Variants in RHOT1 observed in about 807,000 individuals in gnomAD.
The protein encoded by RHOT1 is ras homolog family member T1, also known as mitochondrial Rho GTPase 1.
RHOT1 carries 27 observed loss-of-function variants against 95.3 expected under a neutral mutation model. The observed-to-expected ratio is 0.28, with a 90% confidence interval of 0.21 to 0.39. The LOEUF (loss-of-function observed/expected upper bound fraction) is 0.39, where lower values mean the gene tolerates loss of function less well. RHOT1 is among the 10% of genes least tolerant of loss of function. The pLI, the probability that RHOT1 is intolerant of heterozygous loss-of-function variation, is 1.00. For synonymous variants in RHOT1, 227 were observed against 263.5 expected (o/e 0.86, Z 1.34); for missense variants, 578 against 786.7 (o/e 0.73, Z 3.17).
At chr17:32,199,320 CA>C in intron 12 of RHOT1, 84 bp from the exon 13 acceptor site, 1 of 1,315,376 alleles carries the variant, frequency 7.6e-7, no homozygotes, top group Non-Finnish European at 1.1e-6. Flanking sequence ...TTTTAAAAAG[CA>C]TAGCTTTACT....
At chr17:32,195,659 G>T (rs1390057014) in intron 11 of RHOT1, among the ~76,000 whole-genome samples, 1 of 152,140 alleles carries the variant, frequency 6.6e-6, no homozygotes, top group Non-Finnish European at 1.5e-5. Flanking sequence ...AGCTGTCTAT[G>T]TAATGGTTCA....
At chr17:32,167,851 A>T (rs950573704) in intron 1 of RHOT1, among the ~76,000 whole-genome samples, 3 of 151,996 alleles carry the variant, frequency 2.0e-5, no homozygotes, top group Admixed American at 6.6e-5. Context: ...CTTGGGCAAC[A>T]TGGTGAGACC....
chr17:32,218,506 GAA>G (rs371495186), intron 19 of RHOT1, among the ~76,000 whole-genome samples: 2,590 of 104,490 alleles, frequency 0.025, 82 homozygotes, highest in African/African-American at 0.082. Context: ...GATCCTGTCT[GAA>G]AAAAAAAAAA....
chr17:32,193,376 T>C (rs1567702554), intron 10 of RHOT1, 132 bp downstream of exon 10: 1 of 658,730 alleles, frequency 1.5e-6, no homozygotes, highest in East Asian at 2.9e-5. Flanking sequence ...AAGTCTGATT[T>C]GGATATTTAT....
intron 19 of RHOT1, 57 bp downstream of exon 19, chr17:32,211,295 G>A: frequency 6.7e-7 from 1 of 1,496,646 alleles, no homozygotes; most frequent in South Asian, 1.3e-5. Context: ...AAAGAAAAAA[G>A]CGGATAACTA....
intron 1 of RHOT1, among the ~76,000 whole-genome samples, chr17:32,161,545 T>TG (rs2033558106): frequency 6.6e-6 from 1 of 152,192 alleles, no homozygotes; most frequent in South Asian, 2.1e-4. Flanking sequence ...TTCACTAGTT[T>TG]TACAAAGGTG....
chr17:32,146,271 C>T lies in RHOT1; in HGVS notation c.37+3542C>T, dbSNP rs148857814. 4.7e-3 allele frequency among the ~76,000 whole-genome samples: 720 copies of T among 152,174 alleles called. 6 individuals are homozygous for T. Among genetic ancestry groups the T allele is most frequent in the African/African-American group, 0.017 (691 of 41,506 alleles). On this transcript the variant is annotated intron_variant, in intron 1 of 19. Coordinates refer to ENST00000545287, the MANE Select transcript of RHOT1 (RefSeq NM_001033566.3). Reference sequence around the variant, plus strand: ...TGAAGGCAGGGGATTTGTCTTCCTTCTTGCTGTATCCCCAGTGGCTAGAAC... The same window carrying T: ...TGAAGGCAGGGGATTTGTCTTCCTTTTTGCTGTATCCCCAGTGGCTAGAAC...
chr17:32,153,089 G>A (rs777344393), intron 1 of RHOT1, among the ~76,000 whole-genome samples: 1 of 152,162 alleles, frequency 6.6e-6, no homozygotes, highest in African/African-American at 2.4e-5. Flanking sequence ...GGCGTGAGCC[G>A]CCTCACTTGG....
intron 17 of RHOT1, 24 bp downstream of exon 17, chr17:32,207,053 A>AC (rs750937777): frequency 6.3e-7 from 1 of 1,579,398 alleles, no homozygotes; most frequent in Admixed American, 1.9e-5. Context: ...ACAGACTATG[A>AC]CTGAATGTAA....
chr17:32,200,927 T>C (rs1342656745), intron 13 of RHOT1, 29 bp from the exon 14 acceptor site: 1 of 1,522,836 alleles, frequency 6.6e-7, no homozygotes, highest in African/African-American at 1.4e-5. Flanking sequence ...TTAGGAACTT[T>C]TCACATTTTA....
intron 6 of RHOT1, among the ~76,000 whole-genome samples, chr17:32,178,484 A>G (rs188870099): frequency 2.7e-3 from 412 of 151,766 alleles, no homozygotes; most frequent in African/African-American, 9.3e-3. Context: ...AGTCTCGCTC[A>G]CTCAATGCTC....
chr17:32,142,652 C>CCGTG lies in RHOT1; in HGVS notation c.-34_-31dup. 2.6e-6 allele frequency: 4 copies of CCGTG among 1,513,594 alleles called. No individual in the cohort carries two copies. The highest frequency in any genetic ancestry group is 3.5e-6 in the Non-Finnish European group (4 of 1,132,656). 93.8% of individuals were successfully genotyped at this position (1,513,594 alleles called of 1,614,324 possible). On this transcript the variant is annotated 5_prime_UTR_variant, in exon 1 of 20. Coordinates refer to ENST00000545287, the MANE Select transcript of RHOT1 (RefSeq NM_001033566.3). Reference sequence around the variant, plus strand: ...GTGCTCCTGGTGAGAGGAGTCCACTCCGTGCGTGCGGGCGGAGGCCGGCCC... The same window carrying CCGTG: ...GTGCTCCTGGTGAGAGGAGTCCACTCCGTGCGTGCGTGCGGGCGGAGGCCGGCCC...
intron 19 of RHOT1, among the ~76,000 whole-genome samples, chr17:32,220,083 A>G (rs1334143798): frequency 6.6e-6 from 1 of 152,266 alleles, no homozygotes; most frequent in Non-Finnish European, 1.5e-5. Context: ...AGCCACAAAT[A>G]AATGGAGATA....
At chr17:32,211,093 T>C in intron 18 of RHOT1, 23 bp from the exon 19 acceptor site, 5 of 1,588,608 alleles carry the variant, frequency 3.1e-6, no homozygotes, top group Non-Finnish European at 3.4e-6. Flanking sequence ...ACTCAACTCC[T>C]GTCCTTCTGT....
At chr17:32,180,809 A>G (rs1295974124) in intron 6 of RHOT1, among the ~76,000 whole-genome samples, 2 of 152,118 alleles carry the variant, frequency 1.3e-5, no homozygotes, top group East Asian at 3.9e-4. Context: ...CAGCTTCCCA[A>G]GTAGCTGGGA....
Position 32,224,769 on chromosome 17 carries a change from A to G in RHOT1, c.*36A>G. ...AATACTGTCCCTACCAAAAACAAATACTTTTATGTACATTCTGAATGCTTT... is the reference window on the plus strand; with the variant it reads ...AATACTGTCCCTACCAAAAACAAATGCTTTTATGTACATTCTGAATGCTTT... On this transcript the variant is annotated 3_prime_UTR_variant, in exon 20 of 20. Transcript: ENST00000545287. The G allele has an allele frequency of 8.2e-7, 1 of 1,218,192 alleles. No homozygotes were observed. The highest frequency in any genetic ancestry group is 1.2e-6 in the Non-Finnish European group (1 of 831,584). The allele number at this position is 1,218,192 out of a possible 1,614,324, so 75.5% of individuals were successfully genotyped here. A position where few individuals can be genotyped will look rare whatever the true frequency, so the allele number is the denominator to read the frequency against.
chr17:32,221,131 G>C, intron 19 of RHOT1: 1 of 702,124 alleles, frequency 1.4e-6, no homozygotes, highest in Non-Finnish European at 1.7e-6. Context: ...ACTTTCGGAA[G>C]CCGAGGTGGG....
At chr17:32,194,225 C>A (rs2142776910) in intron 11 of RHOT1, 118 bp downstream of exon 11, 8 of 1,012,828 alleles carry the variant, frequency 7.9e-6, no homozygotes, top group Non-Finnish European at 1.2e-5. Context: ...CCCACCTTGG[C>A]CTCCCAAATT....
rs537791931 is a variant in RHOT1 at position 32,152,896 on chromosome 17, T to G, written c.37+10167T>G. Among the ~76,000 whole-genome samples the G allele has an allele frequency of 1.1e-4, 16 of 152,242 alleles. No individual in the cohort carries two copies. The East Asian group carries it at 2.9e-3, about 28-fold the overall frequency. On this transcript the variant is annotated intron_variant, in intron 1 of 19. Transcript: ENST00000545287. ...ATGGCTCACTGTAGCTTCGACTTCC[T>G]GGGCTCAGGTGATTCTCCCATCTCA...
Sources: gnomAD v4.1 joint callset for allele counts (sites outside exome capture counted in the v4.1 genomes callset) on GRCh38, gnomAD v4.1.1 for gene constraint, MANE v1.5 for transcripts, NCBI Gene and HGNC (gene_info 2026-07-23, HGNC 2026-07-21) for gene names.